ANK2: variants seen among roughly 807,000 people sequenced by gnomAD.
The protein encoded by ANK2 is ankyrin 2, also known as ankyrin-2.
In ANK2, 83 loss-of-function variants were observed where a neutral mutation model predicts 360.5. The observed-to-expected ratio is 0.23, with a 90% CI of 0.19 to 0.28. The LOEUF is 0.28. Ranked by LOEUF, ANK2 falls within the 10% of genes least tolerant of loss-of-function variation. The pLI is 1.00. For missense variants in ANK2, 4,201 were observed against 4,795.7 expected, an observed-to-expected ratio of 0.88 and a Z score of 3.66; for synonymous variants, 1,740 against 1,759.5, an observed-to-expected ratio of 0.99 and a Z score of 0.28.
At chr4:112,913,143 G>A (rs2088327202) in intron 2 of ANK2, among the ~76,000 whole-genome samples, 1 of 151,994 alleles carries the variant, frequency 6.6e-6, no homozygotes, top group African/African-American at 2.4e-5. Context: ...ATTGTTGCTA[G>A]GATCAATCCC....
chr4:112,752,469 C>G, the ANK2 span, among the ~76,000 whole-genome samples: 1 of 152,076 alleles, frequency 6.6e-6, no homozygotes, highest in Non-Finnish European at 1.5e-5. Flanking sequence ...TGGAGTGCAA[C>G]AGCAGAATCC....
chr4:113,342,005 G>C, intron 33 of ANK2, 89 bp downstream of exon 33: 1 of 1,256,504 alleles, frequency 8.0e-7, no homozygotes, highest in Non-Finnish European at 1.1e-6. Flanking sequence ...TTAATAAATA[G>C]AATAATTAAA....
intron 2 of ANK2, among the ~76,000 whole-genome samples, chr4:113,177,170 C>G (rs558495511): frequency 2.4e-3 from 370 of 152,234 alleles, no homozygotes; most frequent in African/African-American, 8.6e-3. Context: ...GGCTTCGTCC[C>G]CTGGGGTTCA....
chr4:113,216,440 T>C (rs936396105), intron 4 of ANK2, among the ~76,000 whole-genome samples: 2 of 152,232 alleles, frequency 1.3e-5, no homozygotes, highest in African/African-American at 4.8e-5. Context: ...CTTAGAAGAA[T>C]TGGTGAATAC....
At chr4:113,212,273 CT>C (rs1422875628) in intron 4 of ANK2, among the ~76,000 whole-genome samples, 3 of 152,022 alleles carry the variant, frequency 2.0e-5, no homozygotes, top group South Asian at 2.1e-4. Flanking sequence ...TTACTAATAA[CT>C]TTTTTTCAGA....
rs111878655 is a variant in ANK2 at position 113,196,485 on chromosome 4, G to A, written c.285+19G>A. On this transcript the variant is annotated intron_variant, in intron 3 of 45. Transcript: ENST00000357077. ...CACTAAGGTAACATTTATGTTGGTAGAACATTTTTTTCCTTAGAAAAGCGA... is the reference window on the plus strand; with the variant it reads ...CACTAAGGTAACATTTATGTTGGTAAAACATTTTTTTCCTTAGAAAAGCGA... The A allele has an allele frequency of 3.1e-5, 50 of 1,595,860 alleles. 2 individuals carry two copies. In the African/African-American group the frequency reaches 4.0e-4, roughly 13 times the overall value.
intron 2 of ANK2, among the ~76,000 whole-genome samples, chr4:112,973,161 A>T (rs2040178500): frequency 6.6e-6 from 1 of 151,756 alleles, no homozygotes; most frequent in South Asian, 2.1e-4. Flanking sequence ...GTACTCCAAA[A>T]ACTATTGAAA....
chr4:113,340,037 GGCATAGCAATA>G (rs1458738022), intron 32 of ANK2, among the ~76,000 whole-genome samples: 37 of 152,274 alleles, frequency 2.4e-4, no homozygotes, highest in African/African-American at 8.7e-4. Context: ...GTTAAGTAAT[GGCATAGCAATA>G]GTTGGGTGTG....
the ANK2 span, among the ~76,000 whole-genome samples, chr4:112,710,639 A>G: frequency 6.6e-6 from 1 of 151,784 alleles, no homozygotes; most frequent in Non-Finnish European, 1.5e-5. Flanking sequence ...TGGAGGTTGC[A>G]GTGAGCCGAG....
chr4:113,068,859 G>C (rs571912827), intron 1 of ANK2, among the ~76,000 whole-genome samples: 115 of 152,084 alleles, frequency 7.6e-4, no homozygotes, highest in Non-Finnish European at 1.0e-3. Context: ...CCAGGAGTTT[G>C]AGACAAGCCT....
chr4:113,344,944 T>G (rs112255737), intron 34 of ANK2, among the ~76,000 whole-genome samples: 1,762 of 152,250 alleles, frequency 0.012, 33 homozygotes, highest in African/African-American at 0.04. Flanking sequence ...GTTTAATAGA[T>G]ACAGAATTTC....
the ANK2 span, among the ~76,000 whole-genome samples, chr4:112,791,139 C>T: frequency 2.0e-5 from 3 of 152,132 alleles, no homozygotes; most frequent in African/African-American, 7.2e-5. Flanking sequence ...GTAGATATCT[C>T]CTTAAAATAA....
intron 2 of ANK2, among the ~76,000 whole-genome samples, chr4:112,957,007 GTTTTTTT>G (rs56066718): frequency 3.4e-3 from 229 of 66,488 alleles, no homozygotes; most frequent in African/African-American, 8.8e-3. Flanking sequence ...TATTGCTCTT[GTTTTTTT>G]TTTTTTTTTT....
chr4:112,738,964 G>A, the ANK2 span: 2 of 705,918 alleles, frequency 2.8e-6, no homozygotes, highest in African/African-American at 1.8e-5. Flanking sequence ...AGCTGGAAGT[G>A]CTGCTGATGT....
the ANK2 span, among the ~76,000 whole-genome samples, chr4:112,715,231 C>T: frequency 6.6e-6 from 1 of 152,002 alleles, no homozygotes; most frequent in Non-Finnish European, 1.5e-5. Context: ...AGTAAAAGTC[C>T]CAAGAAATTG....
chr4:112,965,354 A>AT (rs917324974), intron 2 of ANK2, among the ~76,000 whole-genome samples: 5 of 151,402 alleles, frequency 3.3e-5, no homozygotes, highest in African/African-American at 4.9e-5. Flanking sequence ...AGATGATTAG[A>AT]TTTTTTTTTC....
rs142115933 is a variant in ANK2 at position 113,005,937 on chromosome 4, C to T, written c.21+101423C>T. On this transcript the variant is annotated intron_variant, in intron 2 of 30. Coordinates refer to the ANK2 transcript ENST00000503271. ...GCTACATGACATGCTGGCTCCCCTT[C>T]ACTTTCCACTATGATTGTAAGCTTC... 5.0e-3 allele frequency among the ~76,000 whole-genome samples: 763 copies of T among 152,270 alleles called. 9 individuals are homozygous for T. The highest frequency in any genetic ancestry group is 0.017 in the African/African-American group (721 of 41,548).
At chr4:112,996,392 A>G (rs899860935) in intron 2 of ANK2, among the ~76,000 whole-genome samples, 21 of 152,170 alleles carry the variant, frequency 1.4e-4, no homozygotes, top group Admixed American at 1.4e-3. Context: ...CTTTAAATAT[A>G]TGCAAATTTT....
Position 113,012,025 on chromosome 4 carries a change from GCAA to G in ANK2, c.21+107529_21+107531del, listed in dbSNP as rs772945705. Among the ~76,000 whole-genome samples the G allele has an allele frequency of 4.6e-5, 7 of 151,896 alleles. No individual in the cohort carries two copies. In the South Asian group the frequency reaches 6.2e-4, roughly 14 times the overall value. On this transcript the variant is annotated intron_variant, in intron 2 of 30. Transcript: ENST00000503271. ...GGCTCAAATTTCATCATGTTTAAAA[GCAA>G]CAACAACAACAACAACATGTTCTTT...
Sources: allele counts gnomAD v4.1 joint callset (sites outside exome capture counted in the v4.1 genomes callset), GRCh38; gene constraint gnomAD v4.1.1; transcripts MANE v1.5; gene names NCBI Gene and HGNC (gene_info 2026-07-23, HGNC 2026-07-21).